The following SLC22A3 variants were observed in gnomAD, a reference collection of about 807,000 sequenced individuals.
SLC22A3 encodes EMT organic cation transporter 3.
SLC22A3 carries 51 observed loss-of-function variants against 59.1 expected under a neutral mutation model. That is an observed-to-expected ratio of 0.86 (90% confidence interval 0.69 to 1.09). The LOEUF is 1.09. SLC22A3 is among the 50% of genes least tolerant of loss of function. The pLI, the probability that SLC22A3 is intolerant of heterozygous loss-of-function variation, is 0.00. For synonymous variants in SLC22A3, 325 were observed against 292.0 expected (o/e 1.11, Z -1.15); for missense variants, 711 against 726.3 (o/e 0.98, Z 0.24).
At chr6:160,405,416 C>T (rs1016663470) in intron 2 of SLC22A3, among the ~76,000 whole-genome samples, 2 of 152,068 alleles carry the variant, frequency 1.3e-5, no homozygotes, top group African/African-American at 2.4e-5. Flanking sequence ...CAAATGCTGA[C>T]TAGGATGTGG....
intron 1 of SLC22A3, among the ~76,000 whole-genome samples, chr6:160,395,499 A>T (rs1786435610): frequency 6.6e-6 from 1 of 152,170 alleles, no homozygotes; most frequent in South Asian, 2.1e-4. Flanking sequence ...TGGTAGTTTG[A>T]TTTCGCTGTT....
chr6:160,419,530 T>C (rs1032698952), intron 5 of SLC22A3, among the ~76,000 whole-genome samples: 7 of 152,198 alleles, frequency 4.6e-5, no homozygotes, highest in Non-Finnish European at 1.0e-4. Flanking sequence ...TAACATAGTT[T>C]AGGCACATGG....
chr6:160,390,354 GCACT>G (rs1786205790), intron 1 of SLC22A3, among the ~76,000 whole-genome samples: 1 of 152,170 alleles, frequency 6.6e-6, no homozygotes, highest in African/African-American at 2.4e-5. Flanking sequence ...CACAGCCAAG[GCACT>G]GGCCTCATTC....
chr6:160,367,964 G>C (rs1033898860), intron 1 of SLC22A3, among the ~76,000 whole-genome samples: 9 of 152,016 alleles, frequency 5.9e-5, no homozygotes, highest in Non-Finnish European at 1.2e-4. Flanking sequence ...TGGCCCCACT[G>C]CCCTTCCCAC....
chr6:160,407,982 T>C lies in SLC22A3; in HGVS notation c.689-771T>C, dbSNP rs530807306. On this transcript the variant is annotated intron_variant, in intron 3 of 10. Transcript: ENST00000275300. ...AGACCCCTGAAGACCTTTCTGTGAG[T>C]GGGAGAAGGAGAGAAGATGATTAGA... is the stretch of plus-strand genomic sequence containing the variant. 7.9e-5 allele frequency among the ~76,000 whole-genome samples: 12 copies of C among 152,032 alleles called. No homozygotes were observed. The South Asian group carries it at 2.5e-3, about 32-fold the overall frequency.
At chr6:160,409,386 G>A (rs113564035) in intron 4 of SLC22A3, among the ~76,000 whole-genome samples, 28,187 of 117,552 alleles carry the variant, frequency 0.24, 3,630 homozygotes, top group Middle Eastern at 0.32. Flanking sequence ...ATTCCATGGT[G>A]TATATGTGCC....
chr6:160,433,081 C>T (rs1316506468), intron 5 of SLC22A3, among the ~76,000 whole-genome samples: 2 of 152,208 alleles, frequency 1.3e-5, no homozygotes, highest in Non-Finnish European at 2.9e-5. Flanking sequence ...TCGTCTATGA[C>T]TGTTTTCACA....
At chr6:160,385,911 G>A (rs1785989306) in intron 1 of SLC22A3, among the ~76,000 whole-genome samples, 1 of 152,202 alleles carries the variant, frequency 6.6e-6, no homozygotes, top group Non-Finnish European at 1.5e-5. Flanking sequence ...ATTGGAATGG[G>A]GAGAGAGAGG....
In SLC22A3 at chr6:160,365,035, ATAAT is replaced by A. The variant is rs575059629; in HGVS notation, c.429+16189_429+16192del. Among the ~76,000 whole-genome samples the A allele has an allele frequency of 6.9e-3, 1,058 of 152,318 alleles. 21 individuals are homozygous for A. Among genetic ancestry groups the A allele is most frequent in the African/African-American group, 0.025 (1,021 of 41,566 alleles). On this transcript the variant is annotated intron_variant, in intron 1 of 10. Transcript: ENST00000275300. ...TAAGTATATTTACATAGTAAAATCAATAATTTTTTTTACTGTGTAGCAAAATACA... is the reference window on the plus strand; with the variant it reads ...TAAGTATATTTACATAGTAAAATCAATTTTTTTACTGTGTAGCAAAATACA...
chr6:160,423,204 G>T (rs544699923), intron 5 of SLC22A3, among the ~76,000 whole-genome samples: 48 of 152,282 alleles, frequency 3.2e-4, no homozygotes, highest in African/African-American at 1.1e-3. Context: ...GTGTACATGT[G>T]CCACATTTTC....
chr6:160,424,184 G>C (rs944547288), intron 5 of SLC22A3, among the ~76,000 whole-genome samples: 1 of 151,974 alleles, frequency 6.6e-6, no homozygotes, highest in Non-Finnish European at 1.5e-5. Context: ...CAGATCCTAG[G>C]GATTATGGAG....
intron 1 of SLC22A3, among the ~76,000 whole-genome samples, chr6:160,397,700 C>G (rs115346082): frequency 6.2e-5 from 9 of 144,196 alleles, no homozygotes; most frequent in Non-Finnish European, 1.3e-4. Context: ...CTCCACTACA[C>G]TTCAGTCTGG....
intron 2 of SLC22A3, among the ~76,000 whole-genome samples, chr6:160,405,368 T>G (rs1419086727): frequency 6.6e-6 from 1 of 151,978 alleles, no homozygotes; most frequent in Non-Finnish European, 1.5e-5. Flanking sequence ...CCACTACATA[T>G]CTATTAGAAT....
intron 5 of SLC22A3, among the ~76,000 whole-genome samples, chr6:160,434,895 C>T (rs961420873): frequency 1.7e-4 from 26 of 152,334 alleles, no homozygotes; most frequent in African/African-American, 3.8e-4. Context: ...CTCTAGCACA[C>T]GCACACAGAG....
intron 5 of SLC22A3, among the ~76,000 whole-genome samples, chr6:160,423,888 T>G (rs1562495455): frequency 1.3e-5 from 2 of 152,240 alleles, no homozygotes; most frequent in Non-Finnish European, 2.9e-5. Flanking sequence ...AGACATGAAG[T>G]CCTTGCCCAT....
chr6:160,361,628 A>AG lies in SLC22A3; in HGVS notation c.429+12781dup, dbSNP rs201770358. Among the ~76,000 whole-genome samples, 273 of 152,234 alleles carry AG rather than the reference A, an allele frequency of 1.8e-3. 5 individuals are homozygous for AG. In the East Asian group the frequency reaches 0.043, roughly 24 times the overall value. On this transcript the variant is annotated intron_variant, in intron 1 of 10. Coordinates refer to ENST00000275300, the MANE Select transcript of SLC22A3 (RefSeq NM_021977.4). ...TTCATGAGGCATGTGCCATTTTTGT[A>AG]GATTTTTTTTAGAGGAGGAAAGGAA...
chr6:160,409,311 G>C (rs962190428), intron 4 of SLC22A3, among the ~76,000 whole-genome samples: 1 of 98,560 alleles, frequency 1.0e-5, no homozygotes, highest in African/African-American at 4.0e-5. Context: ...TGAGAATGAT[G>C]GTTTCCAATT....
chr6:160,368,890 A>G (rs970762941), intron 1 of SLC22A3, among the ~76,000 whole-genome samples: 3 of 152,154 alleles, frequency 2.0e-5, no homozygotes, highest in South Asian at 2.1e-4. Context: ...CACTGCTTGC[A>G]TATTCTGTCC....
Position 160,447,707 on chromosome 6 carries a change from C to G in SLC22A3, c.1511-12C>G. ...CTTCCTGGAGCGGTAACACCTTTCC[C>G]CTATTCCATAGGTATCCTGGCATCC... On this transcript the variant is annotated splice_polypyrimidine_tract_variant and intron_variant, in intron 9 of 10. Transcript: ENST00000275300. 4 of 1,611,964 alleles carry G rather than the reference C, an allele frequency of 2.5e-6. No individual in the cohort carries two copies. Among genetic ancestry groups the G allele is most frequent in the African/African-American group, 1.3e-5 (1 of 74,960 alleles).
Sources: gnomAD v4.1 joint callset for allele counts (sites outside exome capture counted in the v4.1 genomes callset) on GRCh38, gnomAD v4.1.1 for gene constraint, MANE v1.5 for transcripts, NCBI Gene and HGNC (gene_info 2026-07-23, HGNC 2026-07-21) for gene names.